CTNNA3: variants seen among roughly 807,000 people sequenced by gnomAD.
CTNNA3 encodes catenin alpha 3.
In CTNNA3, 76 loss-of-function variants were observed where a neutral mutation model predicts 95.7. That is an observed-to-expected ratio of 0.79 (90% CI 0.66 to 0.96). CTNNA3 has a LOEUF of 0.96. Ranked by LOEUF, CTNNA3 falls within the 40% of genes least tolerant of loss-of-function variation. The pLI, the probability that CTNNA3 is intolerant of heterozygous loss-of-function variation, is 0.00. For missense variants in CTNNA3, 1,191 were observed against 1,089.8 expected, an observed-to-expected ratio of 1.09 and a Z score of -1.31; for synonymous variants, 431 against 374.4, an observed-to-expected ratio of 1.15 and a Z score of -1.74.
intron 13 of CTNNA3, among the ~76,000 whole-genome samples, chr10:66,129,518 A>C (rs1374750081): frequency 6.6e-6 from 1 of 152,138 alleles, no homozygotes; most frequent in Non-Finnish European, 1.5e-5. Context: ...ACTTGCTTCC[A>C]TAGGAGACTT....
chr10:67,199,472 C>A (rs1428307993), intron 6 of CTNNA3, among the ~76,000 whole-genome samples: 1 of 152,070 alleles, frequency 6.6e-6, no homozygotes, highest in Non-Finnish European at 1.5e-5. Context: ...CGAGTTCAAG[C>A]GATTCTTCTT....
At chr10:66,664,478 G>A (rs1182546048) in intron 9 of CTNNA3, among the ~76,000 whole-genome samples, 1 of 152,070 alleles carries the variant, frequency 6.6e-6, no homozygotes, top group Admixed American at 6.6e-5. Flanking sequence ...AGAAGATCTT[G>A]GCCTCTGATC....
At chr10:65,947,995 C>T (rs1458460863) in intron 17 of CTNNA3, among the ~76,000 whole-genome samples, 9 of 152,154 alleles carry the variant, frequency 5.9e-5, no homozygotes, top group Middle Eastern at 3.2e-3. Flanking sequence ...ACCATGTGCG[C>T]GGCCAGGCGC....
chr10:66,861,847 T>G (rs919813613), intron 7 of CTNNA3, among the ~76,000 whole-genome samples: 7 of 152,210 alleles, frequency 4.6e-5, no homozygotes, highest in African/African-American at 1.7e-4. Context: ...CTTTAATATT[T>G]CTTAAATGTA....
At chr10:66,938,246 A>G (rs1847820637) in intron 7 of CTNNA3, among the ~76,000 whole-genome samples, 1 of 152,124 alleles carries the variant, frequency 6.6e-6, no homozygotes, top group Admixed American at 6.6e-5. Context: ...TTCAAAAATT[A>G]TAGCTGACCA....
chr10:66,842,212 G>A (rs1843091266), intron 7 of CTNNA3, among the ~76,000 whole-genome samples: 1 of 151,798 alleles, frequency 6.6e-6, no homozygotes, highest in South Asian at 2.1e-4. Flanking sequence ...CAAAGTGCTG[G>A]GATTACAGGT....
chr10:66,170,580 G>A (rs1475654849), intron 13 of CTNNA3, among the ~76,000 whole-genome samples: 3 of 151,970 alleles, frequency 2.0e-5, no homozygotes, highest in Non-Finnish European at 4.4e-5. Context: ...TGGAAAGAGA[G>A]ATATACACAA....
At chr10:67,260,167 T>A (rs1244926436) in intron 5 of CTNNA3, among the ~76,000 whole-genome samples, 1 of 152,024 alleles carries the variant, frequency 6.6e-6, no homozygotes, top group African/African-American at 2.4e-5. Context: ...CTGGAGGGAG[T>A]GGGACCACAG....
intron 5 of CTNNA3, among the ~76,000 whole-genome samples, chr10:67,328,946 T>A (rs1841668969): frequency 6.6e-6 from 1 of 152,208 alleles, no homozygotes; most frequent in Non-Finnish European, 1.5e-5. Context: ...GTACCATAAA[T>A]GTAGCATAAT....
chr10:67,641,297 C>T (rs1467685134), intron 2 of CTNNA3, among the ~76,000 whole-genome samples: 1 of 152,050 alleles, frequency 6.6e-6, no homozygotes, highest in Non-Finnish European at 1.5e-5. Flanking sequence ...CAAATCAAAA[C>T]CACAATGAGA....
chr10:66,813,967 A>T (rs919418548), intron 7 of CTNNA3, among the ~76,000 whole-genome samples: 2 of 152,146 alleles, frequency 1.3e-5, no homozygotes, highest in Non-Finnish European at 2.9e-5. Flanking sequence ...AAATTACGGC[A>T]GTGACATTGG....
intron 6 of CTNNA3, among the ~76,000 whole-genome samples, chr10:67,213,073 C>T (rs959023315): frequency 7.3e-5 from 11 of 151,672 alleles, no homozygotes; most frequent in African/African-American, 2.7e-4. Flanking sequence ...ATCTGAGCCT[C>T]CTATTTGCTT....
At chr10:66,458,640 T>TA (rs1414343139) in intron 11 of CTNNA3, among the ~76,000 whole-genome samples, 2 of 152,192 alleles carry the variant, frequency 1.3e-5, no homozygotes, top group East Asian at 3.9e-4. Flanking sequence ...TCTACGGATT[T>TA]AACTATTCTA....
rs368325564 is a variant in CTNNA3 at position 66,776,594 on chromosome 10, C to G, written c.1048-1070G>C. 3.3e-4 allele frequency among the ~76,000 whole-genome samples: 50 copies of G among 152,236 alleles called. 1 individual carries two copies. The South Asian group carries it at 0.01, about 31-fold the overall frequency. On this transcript the variant is annotated intron_variant, in intron 7 of 17. Transcript: ENST00000433211. ...TTTTACTCTTATGTACTGCTATATACTCTCCTTTACAGTAGCAATATTCCT... is the reference window on the plus strand; with the variant it reads ...TTTTACTCTTATGTACTGCTATATAGTCTCCTTTACAGTAGCAATATTCCT...
At chr10:67,280,691 C>T (rs1839361891) in intron 5 of CTNNA3, among the ~76,000 whole-genome samples, 1 of 152,094 alleles carries the variant, frequency 6.6e-6, no homozygotes, top group Non-Finnish European at 1.5e-5. Flanking sequence ...TGCAGGCATG[C>T]CCAGGCAAGA....
chr10:66,848,273 A>C (rs7099285), intron 7 of CTNNA3, among the ~76,000 whole-genome samples: 84,482 of 152,026 alleles, frequency 0.56, 24,199 homozygotes, highest in African/African-American at 0.67. Context: ...TAATGAGCCA[A>C]AAACCTAATT....
intron 1 of CTNNA3, among the ~76,000 whole-genome samples, chr10:67,725,198 C>T (rs888438573): frequency 6.8e-6 from 1 of 147,224 alleles, no homozygotes; most frequent in South Asian, 2.1e-4. Flanking sequence ...TTTTTTGAGA[C>T]GGGAGTCTCG....
chr10:66,434,515 A>C (rs1236948330), intron 11 of CTNNA3, among the ~76,000 whole-genome samples: 1 of 152,150 alleles, frequency 6.6e-6, no homozygotes. Context: ...ACTCTGCTGA[A>C]GTTGCTTATC....
At chr10:67,414,967 C>G (rs1394591187) in intron 5 of CTNNA3, among the ~76,000 whole-genome samples, 1 of 152,170 alleles carries the variant, frequency 6.6e-6, no homozygotes, top group Non-Finnish European at 1.5e-5. Context: ...ATTCAACATT[C>G]CTTCATTATA....
Sources: gnomAD v4.1 joint callset for allele counts (sites outside exome capture counted in the v4.1 genomes callset) on GRCh38, gnomAD v4.1.1 for gene constraint, MANE v1.5 for transcripts, NCBI Gene and HGNC (gene_info 2026-07-23, HGNC 2026-07-21) for gene names.